Variants in LYPLAL1 observed in about 807,000 individuals in gnomAD.
LYPLAL1 encodes the protein lysophospholipase-like protein 1.
A neutral mutation model predicts 19.7 loss-of-function variants in LYPLAL1; 23 were observed. That is an observed-to-expected ratio of 1.17 (90% CI 0.84 to 1.65). LYPLAL1 has a LOEUF of 1.65. LYPLAL1 is among the 40% of genes most tolerant of loss of function. The pLI, the probability that LYPLAL1 is intolerant of heterozygous loss-of-function variation, is 0.00. For synonymous variants in LYPLAL1, 119 were observed against 96.3 expected (o/e 1.24, Z -1.38); for missense variants, 355 against 279.4 (o/e 1.27, Z -1.93).
the LYPLAL1 span, among the ~76,000 whole-genome samples, chr1:219,283,547 A>G: frequency 1.3e-5 from 2 of 152,194 alleles, no homozygotes; most frequent in South Asian, 4.1e-4. Context: ...TGAAATTTAA[A>G]TTCTACCCTC....
the LYPLAL1 span, among the ~76,000 whole-genome samples, chr1:219,302,295 G>A: frequency 1.3e-5 from 2 of 152,098 alleles, no homozygotes; most frequent in African/African-American, 4.8e-5. Context: ...TATTTTCCAA[G>A]AGTCACTCTT....
At chr1:219,405,275 A>G in the LYPLAL1 span, among the ~76,000 whole-genome samples, 22 of 152,340 alleles carry the variant, frequency 1.4e-4, no homozygotes, top group Non-Finnish European at 8.8e-5. Context: ...GGTTGAGTAG[A>G]TAACACCACC....
chr1:219,425,958 T>G, the LYPLAL1 span, among the ~76,000 whole-genome samples: 1 of 152,112 alleles, frequency 6.6e-6, no homozygotes, highest in Non-Finnish European at 1.5e-5. Flanking sequence ...TGTTGAAGAG[T>G]TTTTCTCCTC....
At chr1:219,325,656 C>T in the LYPLAL1 span, among the ~76,000 whole-genome samples, 24 of 152,140 alleles carry the variant, frequency 1.6e-4, no homozygotes, top group African/African-American at 5.1e-4. Flanking sequence ...TTTTTTCCTT[C>T]ATCACTTCAC....
At chr1:219,261,261 C>T in the LYPLAL1 span, among the ~76,000 whole-genome samples, 1 of 152,128 alleles carries the variant, frequency 6.6e-6, no homozygotes, top group South Asian at 2.1e-4. Context: ...GTTCAGGTGT[C>T]CAACTTTAAA....
chr1:219,436,072 G>A, the LYPLAL1 span, among the ~76,000 whole-genome samples: 6,663 of 152,134 alleles, frequency 0.044, 233 homozygotes, highest in African/African-American at 0.098. Flanking sequence ...ACACTAGCCC[G>A]TACACCCACA....
At chr1:219,267,104 A>G in the LYPLAL1 span, among the ~76,000 whole-genome samples, 3 of 152,110 alleles carry the variant, frequency 2.0e-5, no homozygotes, top group African/African-American at 7.2e-5. Context: ...GTAGATATAT[A>G]TGAGCATTCA....
the LYPLAL1 span, among the ~76,000 whole-genome samples, chr1:219,419,428 CT>C: frequency 6.6e-6 from 1 of 152,006 alleles, no homozygotes; most frequent in African/African-American, 2.4e-5. Context: ...AAATTCTGGC[CT>C]TGATACCTCC....
intron 1 of LYPLAL1, chr1:219,175,157 CTT>C (rs1655708857): frequency 4.3e-6 from 4 of 930,292 alleles, no homozygotes. Context: ...GCCAAGGTCT[CTT>C]AGCTGTTACT....
At chr1:219,279,938 G>T in the LYPLAL1 span, among the ~76,000 whole-genome samples, 7 of 152,034 alleles carry the variant, frequency 4.6e-5, no homozygotes, top group African/African-American at 1.7e-4. Context: ...AAAAAAATGG[G>T]GTAGAAGAAA....
At chr1:219,418,314 G>T in the LYPLAL1 span, among the ~76,000 whole-genome samples, 13 of 152,080 alleles carry the variant, frequency 8.5e-5, no homozygotes, top group African/African-American at 3.1e-4. Context: ...ACAAATAAAA[G>T]ATAAAGGGTA....
chr1:219,174,518 G>C (rs1429150399), intron 1 of LYPLAL1, among the ~76,000 whole-genome samples: 2 of 152,042 alleles, frequency 1.3e-5, no homozygotes, highest in East Asian at 1.9e-4. Context: ...CCTTTTTGCT[G>C]CTTCTCTTTC....
the LYPLAL1 span, among the ~76,000 whole-genome samples, chr1:219,231,254 G>T: frequency 7.2e-5 from 11 of 152,108 alleles, no homozygotes; most frequent in Admixed American, 7.2e-4. Flanking sequence ...ATGTAGAAAG[G>T]GTTGTTTGAA....
rs529729617 is a variant in LYPLAL1 at position 219,180,470 on chromosome 1, A to G, written c.191+1224A>G. The stretch of plus-strand genomic sequence containing the variant: ...GAACAAAATGATAATGTAAGACTGA[A>G]GACTCAAAGGAGTTATTATTTAAAT... On this transcript the variant is annotated intron_variant, in intron 2 of 4. Coordinates refer to ENST00000366928, the MANE Select transcript of LYPLAL1 (RefSeq NM_138794.5). Among the ~76,000 whole-genome samples the G allele has an allele frequency of 7.2e-4, 110 of 152,300 alleles. 1 individual carries two copies. The South Asian group carries it at 0.022, about 30-fold the overall frequency.
chr1:219,275,595 A>G, the LYPLAL1 span, among the ~76,000 whole-genome samples: 2 of 152,226 alleles, frequency 1.3e-5, no homozygotes, highest in South Asian at 4.1e-4. Flanking sequence ...AAAGCAAATT[A>G]TAAGTCTATC....
the LYPLAL1 span, among the ~76,000 whole-genome samples, chr1:219,317,155 A>G: frequency 6.6e-6 from 1 of 152,152 alleles, no homozygotes; most frequent in Non-Finnish European, 1.5e-5. Flanking sequence ...AGTTTTTCTC[A>G]CTAGAGTGGC....
chr1:219,261,258 T>A, the LYPLAL1 span, among the ~76,000 whole-genome samples: 2 of 152,332 alleles, frequency 1.3e-5, no homozygotes, highest in South Asian at 4.1e-4. Flanking sequence ...GCAGTTCAGG[T>A]GTCCAACTTT....
the LYPLAL1 span, among the ~76,000 whole-genome samples, chr1:219,227,360 T>C: frequency 6.6e-6 from 1 of 152,220 alleles, no homozygotes; most frequent in African/African-American, 2.4e-5. Flanking sequence ...TTGTGGTGTC[T>C]GTTTCGATAT....
At chr1:219,329,352 C>T in the LYPLAL1 span, among the ~76,000 whole-genome samples, 212 of 152,166 alleles carry the variant, frequency 1.4e-3, no homozygotes, top group Non-Finnish European at 2.7e-3. Flanking sequence ...CTCTTTGATT[C>T]GTGAATTATA....
Sources: allele counts gnomAD v4.1 joint callset (sites outside exome capture counted in the v4.1 genomes callset), GRCh38; gene constraint gnomAD v4.1.1; transcripts MANE v1.5; gene names NCBI Gene and HGNC (gene_info 2026-07-23, HGNC 2026-07-21).